Variants in CECR2 observed in about 807,000 individuals in gnomAD.
CECR2 encodes CECR2 histone acetyl-lysine reader, also known as chromatin remodeling regulator CECR2.
A neutral mutation model predicts 154.5 loss-of-function variants in CECR2; 30 were observed. The observed-to-expected ratio is 0.19, with a 90% CI of 0.15 to 0.26. The LOEUF is 0.26. Ranked by LOEUF, CECR2 falls within the 10% of genes least tolerant of loss-of-function variation. The pLI, the probability that CECR2 is intolerant of heterozygous loss-of-function variation, is 1.00. For missense variants in CECR2, 1,743 were observed against 1,829.3 expected, an observed-to-expected ratio of 0.95 and a Z score of 0.86; for synonymous variants, 725 against 683.7, an observed-to-expected ratio of 1.06 and a Z score of -0.94.
Position 17,378,365 on chromosome 22 carries a change from C to T in CECR2, c.126+8456C>T, listed in dbSNP as rs577626213. Among the ~76,000 whole-genome samples, 8 of 146,706 alleles carry T rather than the reference C, an allele frequency of 5.5e-5. No homozygotes were observed. The South Asian group carries it at 8.9e-4, about 16-fold the overall frequency. On this transcript the variant is annotated intron_variant, in intron 1 of 18. Transcript: ENST00000262608. ...AGGCTGGAGTGCAGTGGCACGATCT[C>T]GGCTCACTGCAACCTCTGCCTCCCG...
intron 6 of CECR2, among the ~76,000 whole-genome samples, chr22:17,503,925 T>G (rs2146893648): frequency 6.6e-6 from 1 of 152,088 alleles, no homozygotes; most frequent in African/African-American, 2.4e-5. Context: ...CAGGCACCTG[T>G]AATCCCAACT....
At chr22:17,470,628 G>A (rs1601412323) in intron 1 of CECR2, among the ~76,000 whole-genome samples, 1 of 152,088 alleles carries the variant, frequency 6.6e-6, no homozygotes, top group Non-Finnish European at 1.5e-5. Flanking sequence ...TCCTGGACAG[G>A]ATTAAAACTT....
chr22:17,512,034 C>T, intron 8 of CECR2, 138 bp downstream of exon 8: 1 of 655,456 alleles, frequency 1.5e-6, no homozygotes, highest in Middle Eastern at 2.6e-4. Context: ...CAATCTTATG[C>T]TTAAGATACA....
At chr22:17,551,542 G>C (rs893439796) in intron 17 of CECR2, among the ~76,000 whole-genome samples, 3 of 151,682 alleles carry the variant, frequency 2.0e-5, no homozygotes, top group Non-Finnish European at 4.4e-5. Context: ...CAGGTGCAGT[G>C]GTTCATACCT....
chr22:17,373,946 C>T (rs573618484), intron 1 of CECR2, among the ~76,000 whole-genome samples: 46 of 152,292 alleles, frequency 3.0e-4, no homozygotes, highest in Middle Eastern at 6.8e-3. Flanking sequence ...AGAAGAAAGG[C>T]TAATTGACCT....
At chr22:17,513,807 T>C (rs1044184159) in intron 8 of CECR2, among the ~76,000 whole-genome samples, 1 of 152,240 alleles carries the variant, frequency 6.6e-6, no homozygotes, top group Non-Finnish European at 1.5e-5. Flanking sequence ...TGTTCACTGC[T>C]CTGAGTATTC....
intron 1 of CECR2, among the ~76,000 whole-genome samples, chr22:17,395,291 G>A (rs1160201166): frequency 6.6e-6 from 1 of 151,878 alleles, no homozygotes; most frequent in Non-Finnish European, 1.5e-5. Context: ...GCCTCCCAAA[G>A]TGCTAGAATT....
rs1207797657 is a variant in CECR2, at chr22:17,369,508, G to GGCC, written c.-267_-265dup. 1 of 149,566 alleles carries GGCC rather than the reference G, an allele frequency of 6.7e-6. No homozygotes were observed. Among genetic ancestry groups the GGCC allele is most frequent in the Non-Finnish European group, 1.5e-5 (1 of 67,062 alleles). The allele number at this position is 149,566 out of a possible 1,614,324, so 9.3% of individuals were successfully genotyped here. On this transcript the variant is annotated 5_prime_UTR_variant, in exon 1 of 19. Coordinates refer to ENST00000262608, the MANE Select transcript of CECR2 (RefSeq NM_001290047.2). The stretch of plus-strand genomic sequence containing the variant: ...GATTATATTGTAGGGGACTGGGGGC[G>GGCC]GCCGCCGCCGCAGCCGCGGGATGGG...
chr22:17,431,756 C>G lies in CECR2; in HGVS notation c.127-45832C>G, dbSNP rs555180772. On this transcript the variant is annotated intron_variant, in intron 1 of 18. Transcript: ENST00000262608. ...CGTGTTGTAACATCAAACACGTTTT[C>G]TAGTATCCCTCGTATTTTTTTTTTG... Among the ~76,000 whole-genome samples the G allele has an allele frequency of 2.3e-5, 3 of 127,698 alleles. No individual in the cohort carries two copies. In the East Asian group the frequency reaches 6.8e-4, roughly 29 times the overall value. The allele number at this position is 127,698 out of a possible 152,430, so 83.8% of individuals were successfully genotyped here. A position where few individuals can be genotyped will look rare whatever the true frequency, so the allele number is the denominator to read the frequency against.
At chr22:17,529,593 G>A (rs908910530) in intron 9 of CECR2, among the ~76,000 whole-genome samples, 3 of 152,030 alleles carry the variant, frequency 2.0e-5, no homozygotes, top group Non-Finnish European at 2.9e-5. Flanking sequence ...CCAGCTACTC[G>A]GGAGGCTGAG....
intron 1 of CECR2, among the ~76,000 whole-genome samples, chr22:17,385,353 A>C (rs2063246121): frequency 6.6e-6 from 1 of 152,194 alleles, no homozygotes; most frequent in Admixed American, 6.5e-5. Flanking sequence ...TTTTGATTTA[A>C]AGTGAGAGAC....
intron 1 of CECR2, among the ~76,000 whole-genome samples, chr22:17,450,588 C>T (rs1427609202): frequency 2.0e-5 from 3 of 152,134 alleles, no homozygotes; most frequent in African/African-American, 4.8e-5. Context: ...CAGTATAAAA[C>T]CTATGCAGTG....
intron 8 of CECR2, among the ~76,000 whole-genome samples, chr22:17,516,816 A>G (rs1447834274): frequency 6.6e-6 from 1 of 151,202 alleles, no homozygotes; most frequent in Non-Finnish European, 1.5e-5. Flanking sequence ...CTGGTCTTGA[A>G]CACCCGACCT....
In CECR2 at chr22:17,544,076, C is replaced by A. The variant is rs541095143; in HGVS notation, c.2860+1073C>A. On this transcript the variant is annotated intron_variant, in intron 16 of 18. Coordinates refer to ENST00000262608, the MANE Select transcript of CECR2 (RefSeq NM_001290047.2). ...CATAGTTCCTCTAAAAAAGTACTGT[C>A]AGCCGGGCAGTAGTTTTGGTGGCTC... Among the ~76,000 whole-genome samples, 6 of 152,296 alleles carry A rather than the reference C, an allele frequency of 3.9e-5. No homozygotes were observed. In the East Asian group the frequency reaches 1.2e-3, roughly 29 times the overall value.
chr22:17,368,950 G>A (rs1348396344), upstream of CECR2, among the ~76,000 whole-genome samples: 1 of 152,110 alleles, frequency 6.6e-6, no homozygotes, highest in Non-Finnish European at 1.5e-5. Flanking sequence ...CGCCGTTCTC[G>A]GCTGGAATAA....
chr22:17,501,262 C>G (rs2055732875), intron 5 of CECR2, among the ~76,000 whole-genome samples: 1 of 152,088 alleles, frequency 6.6e-6, no homozygotes, highest in African/African-American at 2.4e-5. Context: ...AATCTAAATG[C>G]TTGAGTTAGG....
At chr22:17,494,397 T>A (rs1303428813) in intron 2 of CECR2, among the ~76,000 whole-genome samples, 2 of 152,134 alleles carry the variant, frequency 1.3e-5, no homozygotes, top group South Asian at 2.1e-4. Flanking sequence ...TGTCTGCATT[T>A]TAATGTGAGT....
intron 1 of CECR2, among the ~76,000 whole-genome samples, chr22:17,414,866 G>A (rs940483388): frequency 6.6e-5 from 10 of 152,146 alleles, no homozygotes; most frequent in African/African-American, 1.9e-4. Context: ...GATTTATCTT[G>A]AGCCTTTCTT....
intron 1 of CECR2, 55 bp downstream of exon 1, chr22:17,369,964 C>G (rs1380091850): frequency 6.6e-6 from 1 of 151,200 alleles, no homozygotes; most frequent in Non-Finnish European, 1.5e-5. Flanking sequence ...TCCCCCTGCC[C>G]CGCGCGGGGT....
Sources: gnomAD v4.1 joint callset for allele counts (sites outside exome capture counted in the v4.1 genomes callset) on GRCh38, gnomAD v4.1.1 for gene constraint, MANE v1.5 for transcripts, NCBI Gene and HGNC (gene_info 2026-07-23, HGNC 2026-07-21) for gene names.